NDUFA10: variants seen among roughly 807,000 people sequenced by gnomAD.
NDUFA10 encodes the protein NADH dehydrogenase [ubiquinone] 1 alpha subcomplex subunit 10, mitochondrial.
Under a neutral mutation model 47.8 loss-of-function variants are expected in NDUFA10, and 40 were observed. The ratio of observed to expected loss-of-function variants is 0.84; its 90% CI spans 0.65 to 1.09. The LOEUF (loss-of-function observed/expected upper bound fraction) is 1.09. NDUFA10 is among the 50% of genes least tolerant of loss of function. The pLI, the probability that NDUFA10 is intolerant of heterozygous loss-of-function variation, is 0.00. For synonymous variants in NDUFA10, 183 were observed against 172.2 expected, an observed-to-expected ratio of 1.06 and a Z score of -0.49; for missense variants, 413 against 451.1, an observed-to-expected ratio of 0.92 and a Z score of 0.76.
In NDUFA10 at chr2:239,959,165, A is replaced by T. The variant is rs1377898081; in HGVS notation, c.*1953T>A. 1.0e-6 allele frequency: 1 copy of T among 985,458 alleles called. No homozygotes were observed. Among genetic ancestry groups the T allele is most frequent in the Non-Finnish European group, 1.2e-6 (1 of 829,938 alleles). The allele number at this position is 985,458 out of a possible 1,614,324, so 61.0% of individuals were successfully genotyped here. ...CTACAAATTACATACTTCCCACTCCATCAAGGGAATGCAACCACACAGGGT... is the reference window on the plus strand; with the variant it reads ...CTACAAATTACATACTTCCCACTCCTTCAAGGGAATGCAACCACACAGGGT... On this transcript the variant is annotated 3_prime_UTR_variant, in exon 10 of 10. Transcript: ENST00000252711.
intron 8 of NDUFA10, among the ~76,000 whole-genome samples, chr2:239,996,090 G>C (rs1406983309): frequency 1.3e-5 from 2 of 152,124 alleles, no homozygotes; most frequent in Admixed American, 6.5e-5. Context: ...ATCCAGCAGA[G>C]GGAAAATCAG....
At chr2:239,995,855 C>T (rs1175541708) in intron 8 of NDUFA10, among the ~76,000 whole-genome samples, 4 of 152,156 alleles carry the variant, frequency 2.6e-5, no homozygotes, top group Admixed American at 6.5e-5. Flanking sequence ...CATTACATAA[C>T]GATAAAGCGG....
chr2:239,969,197 G>A (rs1026626352), intron 9 of NDUFA10, among the ~76,000 whole-genome samples: 1 of 152,032 alleles, frequency 6.6e-6, no homozygotes, highest in South Asian at 2.1e-4. Context: ...CGATGAATTA[G>A]GAAACAAAGA....
At chr2:239,985,241 T>C (rs1042797698) in intron 9 of NDUFA10, among the ~76,000 whole-genome samples, 1 of 152,236 alleles carries the variant, frequency 6.6e-6, no homozygotes. Flanking sequence ...AATTATCAGA[T>C]AATTCTGTGT....
intron 4 of NDUFA10, among the ~76,000 whole-genome samples, chr2:239,917,514 C>A (rs1245355332): frequency 6.6e-6 from 1 of 152,188 alleles, no homozygotes; most frequent in Admixed American, 6.5e-5. Context: ...ATCCAGCCAC[C>A]TGGACACCAC....
chr2:239,956,017 G>A (rs1694645498), downstream of NDUFA10, among the ~76,000 whole-genome samples: 1 of 152,118 alleles, frequency 6.6e-6, no homozygotes, highest in Admixed American at 6.5e-5. Flanking sequence ...GGACAGGAAA[G>A]GGGGAAAAAA....
At chr2:239,912,134 A>G (rs982531927) in intron 4 of NDUFA10, among the ~76,000 whole-genome samples, 3 of 152,164 alleles carry the variant, frequency 2.0e-5, no homozygotes, top group African/African-American at 7.2e-5. Context: ...TGTAGCTGGA[A>G]CATTCAGGCC....
At position 239,899,042 on chromosome 2, in the gene NDUFA10, G is replaced by A. The variant is rs1393827208; in HGVS notation, c.295-3728C>T. ...GAGTCATGGAGGGGTGTAAAGGAGG[G>A]GTGTGATGGAGGAGTGTGATGGAGG... is the stretch of plus-strand genomic sequence containing the variant. On this transcript the variant is annotated intron_variant, in intron 4 of 5. Transcript: ENST00000419408. Among the ~76,000 whole-genome samples the A allele has an allele frequency of 1.5e-4, 10 of 67,178 alleles. 1 individual carries two copies. The highest frequency in any genetic ancestry group is 2.9e-4 in the Admixed American group (2 of 6,876). The allele number at this position is 67,178 out of a possible 152,430, so 44.1% of individuals were successfully genotyped here.
intron 9 of NDUFA10, among the ~76,000 whole-genome samples, chr2:239,986,310 G>A (rs1696000453): frequency 6.6e-6 from 1 of 152,206 alleles, no homozygotes; most frequent in South Asian, 2.1e-4. Context: ...ACTGGAGAAT[G>A]CCTGCCTGCA....
intron 7 of NDUFA10, 140 bp downstream of exon 7, chr2:240,007,176 T>C (rs929844136): frequency 1.4e-6 from 1 of 700,754 alleles, no homozygotes; most frequent in Non-Finnish European, 2.6e-6. Flanking sequence ...GATGATGGGT[T>C]TGACTGGCAC....
chr2:239,999,455 GCT>G (rs1433707958), intron 8 of NDUFA10, among the ~76,000 whole-genome samples: 5 of 152,130 alleles, frequency 3.3e-5, no homozygotes, highest in Non-Finnish European at 7.3e-5. Context: ...TGATTGTTCT[GCT>G]GGTTCCCTGC....
At chr2:239,937,878 G>C (rs1170324618) in intron 4 of NDUFA10, among the ~76,000 whole-genome samples, 3 of 152,164 alleles carry the variant, frequency 2.0e-5, no homozygotes, top group Admixed American at 2.0e-4. Flanking sequence ...GACTTTAATT[G>C]TAACAAATTA....
At chr2:239,911,453 CAAGA>C (rs1693753074) in intron 4 of NDUFA10, among the ~76,000 whole-genome samples, 1 of 152,090 alleles carries the variant, frequency 6.6e-6, no homozygotes, top group African/African-American at 2.4e-5. Flanking sequence ...TTGCTTAAAC[CAAGA>C]AAGGAGAAGT....
At chr2:239,893,551 C>G (rs562275796) in intron 5 of NDUFA10, among the ~76,000 whole-genome samples, 3 of 152,188 alleles carry the variant, frequency 2.0e-5, no homozygotes, top group Admixed American at 2.0e-4. Context: ...ATCTCCGCAG[C>G]CCTATGGCTG....
At position 240,005,283 on chromosome 2, in the gene NDUFA10, T is replaced by C. The variant is rs539900195; in HGVS notation, c.817A>G (p.Ile273Val). ...AQDSKKVVED[I>V]EYLKFDKGPW... is the part of the protein sequence containing the mutation. ...CCTTTATCGAACTTCAGGTATTCAA[T>C]GTCCTCTACCACCTAAGACAGGAAA... is the stretch of plus-strand genomic sequence containing the variant. The change falls in exon 8 of 10, where the codon ATT becomes GTT. Residue 273 changes from isoleucine to valine, a missense_variant. Coordinates refer to ENST00000252711, the MANE Select transcript of NDUFA10 (RefSeq NM_004544.4). The C allele has an allele frequency of 1.2e-6, 2 of 1,613,906 alleles. No homozygotes were observed. The highest frequency in any genetic ancestry group is 2.7e-5 in the African/African-American group (2 of 75,044).
intron 8 of NDUFA10, among the ~76,000 whole-genome samples, chr2:240,004,652 A>ATTCCGCCATGGCCTCCTCT (rs1696875474): frequency 2.0e-5 from 3 of 146,604 alleles, no homozygotes; most frequent in African/African-American, 8.0e-5. Context: ...TCCCCTCCCC[A>ATTCCGCCATGGCCTCCTCT]CACTTTTTCT....
chr2:239,929,879 C>T (rs1694132064), intron 4 of NDUFA10, among the ~76,000 whole-genome samples: 1 of 151,196 alleles, frequency 6.6e-6, no homozygotes, highest in Admixed American at 6.6e-5. Flanking sequence ...AGCCCTGCTC[C>T]TCCACTGCCC....
chr2:240,010,248 T>C (rs552597641), intron 6 of NDUFA10, among the ~76,000 whole-genome samples: 239 of 152,310 alleles, frequency 1.6e-3, no homozygotes, highest in Non-Finnish European at 2.4e-3. Flanking sequence ...GAACAGAGAC[T>C]GTATCTGTTC....
At chr2:239,970,370 C>T (rs906529102) in intron 9 of NDUFA10, among the ~76,000 whole-genome samples, 1 of 152,228 alleles carries the variant, frequency 6.6e-6, no homozygotes. Context: ...GAATTCACTG[C>T]TCCCAGATCT....
Sources: gnomAD v4.1 joint callset for allele counts (sites outside exome capture counted in the v4.1 genomes callset) on GRCh38, gnomAD v4.1.1 for gene constraint, MANE v1.5 for transcripts, NCBI Gene and HGNC (gene_info 2026-07-23, HGNC 2026-07-21) for gene names.